The following MTPN variants were observed in gnomAD, a reference collection of about 807,000 sequenced individuals.
MTPN encodes the protein granule cell differentiation protein.
A neutral mutation model predicts 13.5 loss-of-function variants in MTPN; 2 were observed. That is an observed-to-expected ratio of 0.15 (90% CI 0.06 to 0.47). The LOEUF is 0.47. Ranked by LOEUF, MTPN falls within the 20% of genes least tolerant of loss-of-function variation. The pLI, the probability that MTPN is intolerant of heterozygous loss-of-function variation, is 0.97. For synonymous variants in MTPN, 46 were observed against 51.7 expected (o/e 0.89, Z 0.48); for missense variants, 79 against 137.9 (o/e 0.57, Z 2.14).
intron 1 of MTPN, 64 bp downstream of exon 1, chr7:135,976,965 G>T: frequency 1.4e-6 from 1 of 734,874 alleles, no homozygotes; most frequent in Non-Finnish European, 2.2e-6. Context: ...GCTCCCATCA[G>T]CTTCCTCAGC....
chr7:135,951,507 C>T lies in MTPN; in HGVS notation c.186+10G>A. ...AAATTTTTTCAAGAATGATCACGTC[C>T]TCTACGTACATTAATATCTGCTCCT... On this transcript the variant is annotated intron_variant, in intron 2 of 3. Coordinates refer to ENST00000393085, the MANE Select transcript of MTPN (RefSeq NM_145808.4). 4.4e-6 allele frequency: 7 copies of T among 1,592,604 alleles called. No individual in the cohort carries two copies. The highest frequency in any genetic ancestry group is 6.0e-6 in the Non-Finnish European group (7 of 1,164,398).
chr7:135,936,321 C>T (rs150726743), intron 3 of MTPN, among the ~76,000 whole-genome samples: 1,812 of 152,252 alleles, frequency 0.012, 44 homozygotes, highest in African/African-American at 0.042. Context: ...CCCGTCTGTA[C>T]TAAAAATGCA....
chr7:135,941,458 G>C (rs1799208878), intron 3 of MTPN, among the ~76,000 whole-genome samples: 4 of 133,138 alleles, frequency 3.0e-5, no homozygotes, highest in African/African-American at 1.1e-4. Context: ...TGATGCTGTT[G>C]TCTCATCTCT....
chr7:135,955,402 GC>G (rs577967496), intron 1 of MTPN, among the ~76,000 whole-genome samples: 2 of 152,182 alleles, frequency 1.3e-5, no homozygotes, highest in African/African-American at 2.4e-5. Flanking sequence ...CAGGAAAAGA[GC>G]GAAGATACAA....
intron 1 of MTPN, among the ~76,000 whole-genome samples, chr7:135,964,900 T>C (rs1799580841): frequency 6.6e-6 from 1 of 152,126 alleles, no homozygotes; most frequent in Admixed American, 6.6e-5. Flanking sequence ...ACTTCAATGT[T>C]ATGTAGAGAT....
At chr7:135,935,014 T>A (rs1799092903) in intron 3 of MTPN, among the ~76,000 whole-genome samples, 1 of 152,178 alleles carries the variant, frequency 6.6e-6, no homozygotes, top group Non-Finnish European at 1.5e-5. Flanking sequence ...ATTCAACCTC[T>A]CCCAAAATGA....
chr7:135,939,638 C>T (rs116058465), intron 3 of MTPN, among the ~76,000 whole-genome samples: 1,623 of 139,920 alleles, frequency 0.012, 33 homozygotes, highest in African/African-American at 0.041. Context: ...ACATACACAG[C>T]GGAGCCAGTC....
rs1349002027 is a variant in MTPN, at chr7:135,932,578, CTCT to C, written c.271-2569_271-2567del. ...GTTAACATCTTAGTGTTTCCTTCTA[CTCT>C]TCTATTCTAAATATATATACATATA... On this transcript the variant is annotated intron_variant, in intron 3 of 3. Transcript: ENST00000393085. 3.3e-5 allele frequency: 5 copies of C among 152,080 alleles called. No individual in the cohort carries two copies. In the South Asian group the frequency reaches 6.2e-4, roughly 19 times the overall value. The allele number at this position is 152,080 out of a possible 1,614,324, so 9.4% of individuals were successfully genotyped here. A position where few individuals can be genotyped will look rare whatever the true frequency, so the allele number is the denominator to read the frequency against.
rs572551045 is a variant in MTPN, at chr7:135,977,359, T to G, written c.-259A>C. 78 of 523,966 alleles carry G rather than the reference T, an allele frequency of 1.5e-4. No individual in the cohort carries two copies. Among genetic ancestry groups the G allele is most frequent in the African/African-American group, 7.5e-4 (39 of 51,916 alleles). 32.5% of individuals were successfully genotyped at this position (523,966 alleles called of 1,614,324 possible). A position where few individuals can be genotyped will look rare whatever the true frequency, so the allele number is the denominator to read the frequency against. Reference sequence around the variant, plus strand: ...GAGGAGAGGCAGGAACCTTTACACTTCCGGTTCACTCCCCGCTAGGACCCT... The same window carrying G: ...GAGGAGAGGCAGGAACCTTTACACTGCCGGTTCACTCCCCGCTAGGACCCT... On this transcript the variant is annotated 5_prime_UTR_variant, in exon 1 of 4. Transcript: ENST00000393085.
rs73445870 is a variant in MTPN, at chr7:135,976,518, T to C, written c.72+511A>G. On this transcript the variant is annotated intron_variant, in intron 1 of 3. Coordinates refer to ENST00000393085, the MANE Select transcript of MTPN (RefSeq NM_145808.4). ...GAAGTGATACTCAGTTTCAGAATTTTAACTATTTCTATTTTCGGTACTCTT... is the reference window on the plus strand; with the variant it reads ...GAAGTGATACTCAGTTTCAGAATTTCAACTATTTCTATTTTCGGTACTCTT... Among the ~76,000 whole-genome samples the C allele has an allele frequency of 5.9e-3, 896 of 151,164 alleles. 14 individuals carry two copies. Among genetic ancestry groups the C allele is most frequent in the African/African-American group, 0.021 (854 of 41,464 alleles).
intron 3 of MTPN, among the ~76,000 whole-genome samples, chr7:135,942,543 C>T (rs775660805): frequency 2.6e-5 from 4 of 152,222 alleles, no homozygotes; most frequent in Non-Finnish European, 5.9e-5. Flanking sequence ...GGCAAATTTC[C>T]TAAATCATTT....
At chr7:135,967,069 C>T (rs1430808603) in intron 1 of MTPN, among the ~76,000 whole-genome samples, 4 of 152,068 alleles carry the variant, frequency 2.6e-5, no homozygotes, top group African/African-American at 9.7e-5. Context: ...TTTATAAATG[C>T]ACCTTGGTTT....
rs1266445920 is a variant in MTPN at position 135,928,306 on chromosome 7, CCACACA to C, written c.*1614_*1619del. The stretch of plus-strand genomic sequence containing the variant: ...CATGGGGAAAAATACACACACACAC[CCACACA>C]CACCTATACACCCACACACCCACAT... On this transcript the variant is annotated 3_prime_UTR_variant, in exon 4 of 4. Transcript: ENST00000393085. 1 of 165,126 alleles carries C rather than the reference CCACACA, an allele frequency of 6.1e-6. No homozygotes were observed. The highest frequency in any genetic ancestry group is 2.5e-5 in the African/African-American group (1 of 39,992). The allele number at this position is 165,126 out of a possible 1,614,324, so 10.2% of individuals were successfully genotyped here. A position where few individuals can be genotyped will look rare whatever the true frequency, so the allele number is the denominator to read the frequency against.
At chr7:135,958,243 G>C (rs1799472872) in intron 1 of MTPN, among the ~76,000 whole-genome samples, 1 of 152,074 alleles carries the variant, frequency 6.6e-6, no homozygotes, top group Admixed American at 6.6e-5. Flanking sequence ...ATTAAAGAAA[G>C]GACAATGAAA....
In MTPN at chr7:135,929,007, C is replaced by CAA. The variant is rs1451670066; in HGVS notation, c.*917_*918dup. 9.0e-5 allele frequency: 15 copies of CAA among 167,016 alleles called. No homozygotes were observed. 10.3% of individuals were successfully genotyped at this position (167,016 alleles called of 1,614,324 possible). ...TGTTCCTTAATTCTCAACACATAAC[C>CAA]AAGGTCAATCCATTCAAACAGCAAA... On this transcript the variant is annotated 3_prime_UTR_variant, in exon 4 of 4. Coordinates refer to ENST00000393085, the MANE Select transcript of MTPN (RefSeq NM_145808.4).
chr7:135,976,956 C>G, intron 1 of MTPN, 73 bp downstream of exon 1: 1 of 1,214,388 alleles, frequency 8.2e-7, no homozygotes, highest in Non-Finnish European at 1.2e-6. Flanking sequence ...CGCAGTCCAG[C>G]TCCCATCAGC....
In MTPN at chr7:135,951,598, T is replaced by C; in HGVS notation, c.105A>G (p.Gly35=). Residue 35 remains glycine, a synonymous_variant, in exon 2 of 4, where the codon GGA becomes GGG. Coordinates refer to ENST00000393085, the MANE Select transcript of MTPN (RefSeq NM_145808.4). ...GEDVNRTLEG[G]RKPLHYAADC... The stretch of plus-strand genomic sequence containing the variant: ...CTGCTGCATAATGAAGAGGTTTCCT[T>C]CCACCTTCTAGTGTCCGGTTGACAT... 6.2e-7 allele frequency: 1 copy of C among 1,613,370 alleles called. No individual in the cohort carries two copies. The highest frequency in any genetic ancestry group is 8.5e-7 in the Non-Finnish European group (1 of 1,179,582).
intron 1 of MTPN, among the ~76,000 whole-genome samples, chr7:135,964,594 T>C (rs1799576428): frequency 6.6e-6 from 1 of 152,098 alleles, no homozygotes; most frequent in Non-Finnish European, 1.5e-5. Context: ...ATATTACAAG[T>C]AATGATTCCT....
At chr7:135,966,394 C>T (rs1051146991) in intron 1 of MTPN, among the ~76,000 whole-genome samples, 1 of 152,082 alleles carries the variant, frequency 6.6e-6, no homozygotes, top group African/African-American at 2.4e-5. Flanking sequence ...TGACTGGGAG[C>T]TGCGACTCCC....
Sources: allele counts gnomAD v4.1 joint callset (sites outside exome capture counted in the v4.1 genomes callset), GRCh38; gene constraint gnomAD v4.1.1; transcripts MANE v1.5; gene names NCBI Gene and HGNC (gene_info 2026-07-23, HGNC 2026-07-21).